The following KNTC1 variants were observed in gnomAD, a reference collection of about 807,000 sequenced individuals.
The protein encoded by KNTC1 is kinetochore associated 1, also known as kinetochore-associated protein 1.
KNTC1 carries 253 observed loss-of-function variants against 314.4 expected under a neutral mutation model. That is an observed-to-expected ratio of 0.80 (90% CI 0.73 to 0.89). The LOEUF (loss-of-function observed/expected upper bound fraction) is 0.89, where lower values mean the gene tolerates loss of function less well. Ranked by LOEUF, KNTC1 falls within the 40% of genes least tolerant of loss-of-function variation. The pLI, the probability that KNTC1 is intolerant of heterozygous loss-of-function variation, is 0.00. For missense variants in KNTC1, 2,475 were observed against 2,572.9 expected (o/e 0.96, Z 0.82); for synonymous variants, 901 against 901.4 (o/e 1.00, Z 0.01).
In KNTC1 at chr12:122,603,067, T is replaced by G. The variant is rs756718707; in HGVS notation, c.4925T>G (p.Val1642Gly). 3 of 1,613,666 alleles carry G rather than the reference T, an allele frequency of 1.9e-6. No individual in the cohort carries two copies. Among genetic ancestry groups the G allele is most frequent in the South Asian group, 1.1e-5 (1 of 91,064 alleles). Reference protein sequence around the residue: ...DTLYVSTAKHVFEKKLKPKLL... With the variant: ...DTLYVSTAKHGFEKKLKPKLL... Reference sequence around the variant, plus strand: ...CTGTACGTGTCTACAGCAAAACACGTTTTCGAAAAAAAACTGAAGCCAAAG... The same window carrying G: ...CTGTACGTGTCTACAGCAAAACACGGTTTCGAAAAAAAACTGAAGCCAAAG... Residue 1642 changes from valine to glycine, a missense_variant, in exon 48 of 64, where the codon GTT (valine) becomes GGT (glycine). Val to Gly is a moderately radical substitution (Grantham distance 109). Transcript: ENST00000333479.
chr12:122,626,123 A>T, intron 63 of KNTC1, 82 bp from the exon 64 acceptor site: 1 of 940,542 alleles, frequency 1.1e-6, no homozygotes, highest in Non-Finnish European at 1.7e-6. Context: ...ACTTCACTTA[A>T]GTTCTGTAGT....
chr12:122,534,573 G>A, intron 2 of KNTC1, 91 bp from the exon 3 acceptor site: 2 of 1,226,650 alleles, frequency 1.6e-6, no homozygotes, highest in South Asian at 2.7e-5. Flanking sequence ...TTTTAAAGTG[G>A]GATATTTGGG....
In KNTC1 at chr12:122,579,954, A is replaced by C; in HGVS notation, c.2891A>C (p.Lys964Thr). ...GCGAAGACATCCGTGGACATTCTTA[A>C]GATACTATGTGACATTCAGAAAGGT... ...SVAKTSVDIL[K>T]ILCDIQKDNL... The change falls in exon 32 of 64, where the codon AAG becomes ACG. Residue 964 changes from lysine (K) to threonine (T), a missense_variant. Lys to Thr is a moderately conservative substitution (Grantham distance 78, BLOSUM62 -1). Transcript: ENST00000333479. 6.2e-7 allele frequency: 1 copy of C among 1,609,588 alleles called. No homozygotes were observed.
intron 9 of KNTC1, 134 bp downstream of exon 9, chr12:122,546,403 T>G (rs557257795): frequency 1.2e-4 from 82 of 672,928 alleles, no homozygotes; most frequent in Non-Finnish European, 1.9e-4. Flanking sequence ...TTGATGGTTG[T>G]TCACATACAG....
Position 122,604,639 on chromosome 12 carries a change from T to A in KNTC1, c.5175+2T>A, listed in dbSNP as rs761383381. 1 of 1,587,026 alleles carries A rather than the reference T, an allele frequency of 6.3e-7. No homozygotes were observed. Among genetic ancestry groups the A allele is most frequent in the Non-Finnish European group, 8.7e-7 (1 of 1,156,000 alleles). On this transcript the variant is annotated splice_donor_variant, in intron 49 of 63. Coordinates refer to ENST00000333479, the MANE Select transcript of KNTC1 (RefSeq NM_014708.6). LOFTEE classifies it high-confidence loss of function. ...TGGCTACAGAATATCCCATCGCAGG[T>A]GTGTCTGAACTATCAGATTGGCGGC... is the stretch of plus-strand genomic sequence containing the variant.
chr12:122,609,573 A>T, intron 52 of KNTC1, 143 bp downstream of exon 52: 1 of 582,660 alleles, frequency 1.7e-6, no homozygotes, highest in South Asian at 2.4e-5. Flanking sequence ...CAGTTCACTA[A>T]TACGTGGCTA....
chr12:122,620,646 TAGA>T (rs1468806641), intron 60 of KNTC1, 38 bp downstream of exon 60: 29 of 1,602,754 alleles, frequency 1.8e-5, no homozygotes, highest in Non-Finnish European at 2.3e-5. Flanking sequence ...GCCAAGGAAA[TAGA>T]AGGTTTCATC....
At chr12:122,544,067 AT>A in intron 7 of KNTC1, 91 bp from the exon 8 acceptor site, 4 of 518,540 alleles carry the variant, frequency 7.7e-6, no homozygotes, top group Admixed American at 7.8e-5. Context: ...AAAAAAAAAA[AT>A]TTATAACTGA....
At chr12:122,623,771 A>G (rs145410818) in intron 62 of KNTC1, among the ~76,000 whole-genome samples, 1 of 152,302 alleles carries the variant, frequency 6.6e-6, no homozygotes, top group Non-Finnish European at 1.5e-5. Flanking sequence ...ACATTGCTCC[A>G]AAAACATAAT....
At chr12:122,537,947 A>C (rs1031180311) in intron 3 of KNTC1, among the ~76,000 whole-genome samples, 6 of 151,262 alleles carry the variant, frequency 4.0e-5, no homozygotes, top group African/African-American at 1.5e-4. Flanking sequence ...AGTCTGGGTA[A>C]CATGGCAAAA....
Position 122,585,004 on chromosome 12 carries a change from G to A in KNTC1, c.3534+14G>A, listed in dbSNP as rs1414836829. The stretch of plus-strand genomic sequence containing the variant: ...ATCCTCATGAAAGTAAGTTACTTTT[G>A]AGTTTTTTCCCTTAAATCCTGGGCA... On this transcript the variant is annotated intron_variant, in intron 36 of 63. Transcript: ENST00000333479. The A allele has an allele frequency of 6.7e-7, 1 of 1,493,144 alleles. No individual in the cohort carries two copies. The highest frequency in any genetic ancestry group is 9.3e-7 in the Non-Finnish European group (1 of 1,077,128). The allele number at this position is 1,493,144 out of a possible 1,614,324, so 92.5% of individuals were successfully genotyped here.
intron 8 of KNTC1, among the ~76,000 whole-genome samples, chr12:122,545,198 A>T (rs1962664399): frequency 6.6e-6 from 1 of 152,240 alleles, no homozygotes; most frequent in African/African-American, 2.4e-5. Flanking sequence ...GCAGAAACTC[A>T]GTATAATTAC....
chr12:122,532,051 T>C (rs1190022622), intron 2 of KNTC1, among the ~76,000 whole-genome samples: 1 of 149,944 alleles, frequency 6.7e-6, no homozygotes, highest in East Asian at 2.0e-4. Flanking sequence ...TTTTTTTTTT[T>C]AAGAGAGACT....
At position 122,562,734 on chromosome 12, in the gene KNTC1, G is replaced by A. The variant is rs778036118; in HGVS notation, c.1604+35G>A. The A allele has an allele frequency of 1.5e-5, 19 of 1,310,190 alleles. No individual in the cohort carries two copies. The South Asian group carries it at 2.1e-4, about 14-fold the overall frequency. The allele number at this position is 1,310,190 out of a possible 1,614,324, so 81.2% of individuals were successfully genotyped here. A position where few individuals can be genotyped will look rare whatever the true frequency, so the allele number is the denominator to read the frequency against. On this transcript the variant is annotated intron_variant, in intron 20 of 63. Transcript: ENST00000333479. ...TTTTTGTTAAAACTTTTTAGGCCAG[G>A]CATGGTGTCTCACGCCTGTAATCCC...
chr12:122,623,503 T>G (rs1188533072), intron 62 of KNTC1, among the ~76,000 whole-genome samples: 1 of 152,208 alleles, frequency 6.6e-6, no homozygotes, highest in Non-Finnish European at 1.5e-5. Flanking sequence ...CATAATTAGA[T>G]ATTGTCATTT....
chr12:122,615,510 TC>T lies in KNTC1; in HGVS notation c.6016del (p.His2006IlefsTer16), dbSNP rs1471049244. On this transcript the variant is annotated frameshift_variant, in exon 57 of 64. Coordinates refer to ENST00000333479, the MANE Select transcript of KNTC1 (RefSeq NM_014708.6). LOFTEE classifies it high-confidence loss of function. ...AAAGTTTTAAAAGCCATCTCCAGTA[TC>T]CATTCTTTATGGCAGGTATGTAGTT... ...LRKVLKAISS[I>X]HSLWQVPYFS... The T allele has an allele frequency of 6.5e-7, 1 of 1,526,870 alleles. No individual in the cohort carries two copies. The highest frequency in any genetic ancestry group is 1.4e-5 in the African/African-American group (1 of 72,124). The allele number at this position is 1,526,870 out of a possible 1,614,324, so 94.6% of individuals were successfully genotyped here. A position where few individuals can be genotyped will look rare whatever the true frequency, so the allele number is the denominator to read the frequency against.
In KNTC1 at chr12:122,579,918, G is replaced by A; in HGVS notation, c.2855G>A (p.Arg952Lys). The A allele has an allele frequency of 6.2e-7, 1 of 1,609,652 alleles. No individual in the cohort carries two copies. The highest frequency in any genetic ancestry group is 1.1e-5 in the South Asian group (1 of 90,890). ...ATTTATTTTTAGGGCAAGGCCTGGA[G>A]AATGTCTGTAGCGAAGACATCCGTG... The part of the protein sequence containing the change: ...PDHSKEGKAW[R>K]MSVAKTSVDI... The change falls in exon 32 of 64, where the codon AGA (arginine) becomes AAA (lysine). Residue 952 changes from arginine to lysine, a missense_variant. Physicochemically the swap from Arg to Lys is conservative, Grantham distance 26. Coordinates refer to ENST00000333479, the MANE Select transcript of KNTC1 (RefSeq NM_014708.6).
chr12:122,602,521 T>G (rs1177114429), intron 45 of KNTC1, 48 bp from the exon 46 acceptor site: 1 of 1,155,418 alleles, frequency 8.7e-7, no homozygotes. Flanking sequence ...TATGACAGTT[T>G]AGGATTGGGT....
chr12:122,592,068 G>A (rs923863354), intron 42 of KNTC1, among the ~76,000 whole-genome samples: 2 of 152,220 alleles, frequency 1.3e-5, no homozygotes, highest in Non-Finnish European at 2.9e-5. Context: ...GCGCTTGCGG[G>A]CCAGCTGGAG....
Sources: gnomAD v4.1 joint callset for allele counts (sites outside exome capture counted in the v4.1 genomes callset) on GRCh38, gnomAD v4.1.1 for gene constraint, MANE v1.5 for transcripts, NCBI Gene and HGNC (gene_info 2026-07-23, HGNC 2026-07-21) for gene names.